ADARB2: variants seen among roughly 807,000 people sequenced by gnomAD.
ADARB2 encodes adenosine deaminase RNA specific B2 (inactive).
Under a neutral mutation model 62.2 loss-of-function variants are expected in ADARB2, and 25 were observed. The ratio of observed to expected loss-of-function variants is 0.40; its 90% CI spans 0.29 to 0.56. ADARB2 has a LOEUF of 0.56. ADARB2 is among the 20% of genes least tolerant of loss of function. ADARB2 has a pLI of 0.43. For missense variants in ADARB2, 1,071 were observed against 1,077.4 expected (o/e 0.99, Z 0.08); for synonymous variants, 572 against 500.8 (o/e 1.14, Z -1.90).
intron 1 of ADARB2, among the ~76,000 whole-genome samples, chr10:1,585,762 C>CAT (rs1833167245): frequency 6.6e-6 from 1 of 152,164 alleles, no homozygotes; most frequent in Non-Finnish European, 1.5e-5. Context: ...TGTCTGGGTG[C>CAT]GGTGTCTCAC....
intron 1 of ADARB2, among the ~76,000 whole-genome samples, chr10:1,422,547 G>A (rs539836361): frequency 9.9e-5 from 15 of 152,164 alleles, no homozygotes; most frequent in African/African-American, 3.6e-4. Context: ...AGGGAGAGGA[G>A]CCCGTAGGTC....
chr10:1,523,645 A>G (rs1382737684), intron 1 of ADARB2, among the ~76,000 whole-genome samples: 2 of 152,228 alleles, frequency 1.3e-5, no homozygotes, highest in South Asian at 2.1e-4. Flanking sequence ...CTTCCAAATT[A>G]ATACTGACTC....
Position 1,716,153 on chromosome 10 carries a change from G to C in ADARB2, c.100+20898C>G, listed in dbSNP as rs74669725. ...TGCACACCTGCTGTGCATACTCCTC[G>C]CCCGACTGCTTACTCAGTTCTCCCT... On this transcript the variant is annotated intron_variant, in intron 1 of 9. Coordinates refer to ENST00000381312, the MANE Select transcript of ADARB2 (RefSeq NM_018702.4). Among the ~76,000 whole-genome samples, 1,173 of 152,000 alleles carry C rather than the reference G, an allele frequency of 7.7e-3. 16 individuals carry two copies. The highest frequency in any genetic ancestry group is 0.027 in the African/African-American group (1,100 of 41,448).
intron 1 of ADARB2, among the ~76,000 whole-genome samples, chr10:1,583,036 T>C (rs971818001): frequency 6.6e-6 from 1 of 152,212 alleles, no homozygotes; most frequent in Non-Finnish European, 1.5e-5. Context: ...GTCACCAATA[T>C]TGCTCTTTCT....
intron 1 of ADARB2, among the ~76,000 whole-genome samples, chr10:1,550,622 G>A (rs1588298596): frequency 2.0e-5 from 3 of 152,352 alleles, no homozygotes; most frequent in African/African-American, 4.8e-5. Flanking sequence ...CACACAGACC[G>A]ACACTGGAGA....
At chr10:1,725,900 C>T (rs960574829) in intron 1 of ADARB2, among the ~76,000 whole-genome samples, 15 of 152,212 alleles carry the variant, frequency 9.9e-5, no homozygotes, top group African/African-American at 3.4e-4. Context: ...CACTGGACTA[C>T]GGATAAAATG....
At chr10:1,736,938 C>T (rs1364336886) in intron 1 of ADARB2, 113 bp downstream of exon 1, 1 of 1,077,680 alleles carries the variant, frequency 9.3e-7, no homozygotes, top group Non-Finnish European at 1.4e-6. Context: ...ATCCCGCCAG[C>T]ACCCCAAAGT....
At chr10:1,534,326 G>A (rs1311310669) in intron 1 of ADARB2, among the ~76,000 whole-genome samples, 5 of 151,984 alleles carry the variant, frequency 3.3e-5, no homozygotes, top group African/African-American at 1.2e-4. Context: ...TAATAGAGAC[G>A]GGGGCTTCAC....
chr10:1,712,265 A>G (rs7922047), intron 1 of ADARB2, among the ~76,000 whole-genome samples: 152,114 of 152,284 alleles, frequency 1, 75,972 homozygotes, highest in Middle Eastern at 1. Flanking sequence ...TGCTCAAAAC[A>G]CGTTTTATAC....
chr10:1,307,444 G>A (rs1168457667), intron 3 of ADARB2, among the ~76,000 whole-genome samples: 1 of 141,498 alleles, frequency 7.1e-6, no homozygotes, highest in Non-Finnish European at 1.5e-5. Context: ...GTGCTGGAGA[G>A]GATGTGGAGA....
At chr10:1,573,494 G>C (rs2131994527) in intron 1 of ADARB2, among the ~76,000 whole-genome samples, 2 of 152,298 alleles carry the variant, frequency 1.3e-5, no homozygotes, top group South Asian at 4.1e-4. Flanking sequence ...AGCCAGGCCG[G>C]TGCCTCCAAC....
At chr10:1,301,437 G>A (rs1256291844) in intron 3 of ADARB2, among the ~76,000 whole-genome samples, 5 of 152,170 alleles carry the variant, frequency 3.3e-5, no homozygotes, top group Non-Finnish European at 5.9e-5. Context: ...AAATGGAAGT[G>A]CTTACATACA....
chr10:1,581,270 T>C (rs1470613250), intron 1 of ADARB2, among the ~76,000 whole-genome samples: 2 of 152,230 alleles, frequency 1.3e-5, no homozygotes, highest in African/African-American at 2.4e-5. Context: ...CCATCAGACG[T>C]TCCGCTCGTG....
intron 2 of ADARB2, among the ~76,000 whole-genome samples, chr10:1,364,511 A>C (rs942893995): frequency 6.6e-6 from 1 of 152,236 alleles, no homozygotes; most frequent in African/African-American, 2.4e-5. Context: ...ACACCTATTC[A>C]GTAAATACGG....
At chr10:1,557,369 C>T (rs1051624071) in intron 1 of ADARB2, among the ~76,000 whole-genome samples, 1 of 152,138 alleles carries the variant, frequency 6.6e-6, no homozygotes, top group Non-Finnish European at 1.5e-5. Context: ...ACCCGTCAGC[C>T]AGGCTCCTTG....
At chr10:1,457,280 C>T (rs2676767) in intron 1 of ADARB2, among the ~76,000 whole-genome samples, 83,819 of 152,006 alleles carry the variant, frequency 0.55, 25,146 homozygotes, top group Non-Finnish European at 0.68. Context: ...CTGGCCAGGG[C>T]GCTGGACACG....
intron 3 of ADARB2, among the ~76,000 whole-genome samples, chr10:1,304,289 T>C (rs1286553618): frequency 6.6e-6 from 1 of 151,808 alleles, no homozygotes; most frequent in African/African-American, 2.4e-5. Flanking sequence ...GGCCATTACA[T>C]AATGGTAAAG....
chr10:1,184,992 T>C lies in ADARB2; in HGVS notation c.1912A>G (p.Ser638Gly), dbSNP rs780489867. 21 of 1,613,612 alleles carry C rather than the reference T, an allele frequency of 1.3e-5. No homozygotes were observed. The highest frequency in any genetic ancestry group is 3.4e-4 in the Middle Eastern group (2 of 5,964). ...GCGCTGCCCACGACCCAGTTCATGC[T>C]GAAGGGGGGCGACTTCCCCGGCTGG... ...ARQPGKSPPFSMNWVVGSADL... is the reference protein window; with the variant it reads ...ARQPGKSPPFGMNWVVGSADL... The change falls in exon 9 of 10, where the codon AGC becomes GGC. Residue 638 changes from serine to glycine, a missense_variant. Physicochemically the swap from Ser to Gly is moderately conservative, Grantham distance 56. Transcript: ENST00000381312.
intron 1 of ADARB2, among the ~76,000 whole-genome samples, chr10:1,528,306 C>T (rs1032163062): frequency 6.6e-6 from 1 of 152,308 alleles, no homozygotes; most frequent in East Asian, 1.9e-4. Context: ...ACTGTTCCTC[C>T]ATTTCTGGTT....
Sources: gnomAD v4.1 joint callset for allele counts (sites outside exome capture counted in the v4.1 genomes callset) on GRCh38, gnomAD v4.1.1 for gene constraint, MANE v1.5 for transcripts, NCBI Gene and HGNC (gene_info 2026-07-23, HGNC 2026-07-21) for gene names.